The following XIRP2 variants were observed in gnomAD, a reference collection of about 807,000 sequenced individuals.
XIRP2 encodes the protein xin actin-binding repeat-containing protein 2.
A neutral mutation model predicts 277.0 loss-of-function variants in XIRP2; 236 were observed. The observed-to-expected ratio is 0.85, with a 90% CI of 0.77 to 0.95. The LOEUF is 0.95. Among genes scored for constraint, XIRP2 ranks in the 40% least tolerant of loss-of-function variants. The pLI is 0.00. For missense variants in XIRP2, 4,640 were observed against 4,157.5 expected (o/e 1.12, Z -3.19); for synonymous variants, 1,490 against 1,416.5 (o/e 1.05, Z -1.17).
chr2:166,937,962 T>G (rs1299293645), intron 2 of XIRP2, among the ~76,000 whole-genome samples: 1 of 152,218 alleles, frequency 6.6e-6, no homozygotes, highest in Non-Finnish European at 1.5e-5. Context: ...CATTTTTTAT[T>G]GGGTCTATTT....
At chr2:167,163,793 G>A (rs964789216) in intron 3 of XIRP2, among the ~76,000 whole-genome samples, 1 of 152,164 alleles carries the variant, frequency 6.6e-6, no homozygotes, top group Admixed American at 6.5e-5. Context: ...GGTTTTACAT[G>A]TAAATCTATG....
chr2:167,114,632 TC>T (rs1294904178), intron 2 of XIRP2, among the ~76,000 whole-genome samples: 1 of 151,418 alleles, frequency 6.6e-6, no homozygotes, highest in Non-Finnish European at 1.5e-5. Context: ...AGTGTGATGT[TC>T]CCCTTCCCGT....
chr2:167,205,309 T>A (rs888633605), intron 3 of XIRP2, among the ~76,000 whole-genome samples: 1 of 152,198 alleles, frequency 6.6e-6, no homozygotes, highest in African/African-American at 2.4e-5. Context: ...TTAGTGAGAA[T>A]GAATATAAAT....
intron 3 of XIRP2, among the ~76,000 whole-genome samples, chr2:167,151,790 G>A (rs2105332089): frequency 6.6e-6 from 1 of 152,192 alleles, no homozygotes; most frequent in Non-Finnish European, 1.5e-5. Context: ...ACCATAATGT[G>A]GGACTGAAGG....
At chr2:167,213,185 G>A (rs1047567053) in intron 4 of XIRP2, among the ~76,000 whole-genome samples, 4 of 152,170 alleles carry the variant, frequency 2.6e-5, no homozygotes, top group Non-Finnish European at 4.4e-5. Context: ...AAGAGAGGGA[G>A]AAGTAACACT....
In XIRP2 at chr2:167,247,434, T is replaced by TGA; in HGVS notation, c.6044_6045dup (p.Val2016ArgfsTer12). The TGA allele has an allele frequency of 6.2e-7, 1 of 1,613,616 alleles. No individual in the cohort carries two copies. Among genetic ancestry groups the TGA allele is most frequent in the Non-Finnish European group, 8.5e-7 (1 of 1,179,738 alleles). ...ATGGCAATTTAGTAGAAGAAAGAACTGAGGTTAATCTTCCAAAAGCCCCCA... is the reference window on the plus strand; with the variant it reads ...ATGGCAATTTAGTAGAAGAAAGAACTGAGAGGTTAATCTTCCAAAAGCCCCCA... On this transcript the variant is annotated frameshift_variant, in exon 9 of 11. Transcript: ENST00000409195. LOFTEE classifies it high-confidence loss of function.
chr2:167,233,608 G>A (rs1032394201), intron 5 of XIRP2, among the ~76,000 whole-genome samples: 4 of 151,660 alleles, frequency 2.6e-5, no homozygotes, highest in Non-Finnish European at 5.9e-5. Flanking sequence ...GGTGAGGAAG[G>A]GATGGTAATC....
At chr2:167,141,979 C>T (rs1691733718) in intron 3 of XIRP2, among the ~76,000 whole-genome samples, 1 of 152,158 alleles carries the variant, frequency 6.6e-6, no homozygotes, top group Non-Finnish European at 1.5e-5. Flanking sequence ...GTTGGAGCAA[C>T]TATATTGCTG....
At chr2:167,240,091 T>C in intron 6 of XIRP2, 126 bp downstream of exon 6, 1 of 844,176 alleles carries the variant, frequency 1.2e-6, no homozygotes, top group Non-Finnish European at 1.7e-6. Flanking sequence ...CAGTGTTTCT[T>C]TCTCCACTTT....
At chr2:166,954,966 C>G (rs1686125151) in intron 2 of XIRP2, among the ~76,000 whole-genome samples, 1 of 151,712 alleles carries the variant, frequency 6.6e-6, no homozygotes, top group African/African-American at 2.4e-5. Flanking sequence ...GCATGCTGGG[C>G]TTAATACCTA....
intron 3 of XIRP2, among the ~76,000 whole-genome samples, chr2:167,164,292 A>G (rs1414756934): frequency 1.3e-5 from 2 of 151,768 alleles, no homozygotes; most frequent in Non-Finnish European, 2.9e-5. Flanking sequence ...TACAAAAAAA[A>G]AAAATTAGCC....
chr2:167,217,371 T>C (rs971241329), intron 4 of XIRP2, among the ~76,000 whole-genome samples: 11 of 152,162 alleles, frequency 7.2e-5, no homozygotes, highest in Admixed American at 3.9e-4. Context: ...AGCCCCCTGA[T>C]TCTGACATGC....
chr2:166,910,165 T>G (rs1245644080), intron 2 of XIRP2, among the ~76,000 whole-genome samples: 1 of 152,232 alleles, frequency 6.6e-6, no homozygotes, highest in Non-Finnish European at 1.5e-5. Flanking sequence ...TTCTATTGAT[T>G]GGAATAGTTT....
rs559361394 is a variant in XIRP2 at position 167,214,297 on chromosome 2, G to GAGGAAGGA, written c.723+3425_723+3432dup. Among the ~76,000 whole-genome samples the GAGGAAGGA allele has an allele frequency of 3.5e-3, 304 of 87,206 alleles. 13 individuals are homozygous for GAGGAAGGA. The highest frequency in any genetic ancestry group is 0.011 in the African/African-American group (221 of 19,530). 57.2% of individuals were successfully genotyped at this position (87,206 alleles called of 152,430 possible). A position where few individuals can be genotyped will look rare whatever the true frequency, so the allele number is the denominator to read the frequency against. On this transcript the variant is annotated intron_variant, in intron 4 of 10. Coordinates refer to ENST00000409195, the MANE Select transcript of XIRP2 (RefSeq NM_152381.6). ...AAAGAGAGGGAGGGAGGGAGGGAGG[G>GAGGAAGGA]AGGAAGGAAGGAAGGAAGGAAGGAA...
intron 3 of XIRP2, among the ~76,000 whole-genome samples, chr2:167,159,908 A>T (rs1403889253): frequency 6.6e-6 from 1 of 152,194 alleles, no homozygotes; most frequent in Non-Finnish European, 1.5e-5. Context: ...CAGGGAAGAA[A>T]ATCAGTCATA....
At position 166,975,930 on chromosome 2, in the gene XIRP2, C is replaced by CAAAAAAAAAAAA. The variant is rs550529718; in HGVS notation, c.408+72060_408+72071dup. 9.8e-4 allele frequency among the ~76,000 whole-genome samples: 45 copies of CAAAAAAAAAAAA among 45,712 alleles called. 2 individuals are homozygous for CAAAAAAAAAAAA. Among genetic ancestry groups the CAAAAAAAAAAAA allele is most frequent in the East Asian group, 2.3e-3 (4 of 1,708 alleles). The allele number at this position is 45,712 out of a possible 152,430, so 30.0% of individuals were successfully genotyped here. On this transcript the variant is annotated intron_variant, in intron 2 of 10. Transcript: ENST00000409195. Reference sequence around the variant, plus strand: ...TGGGTGACAGAGCGAGACTCCGTCTCAAAAAAAAAAAAAAAAAAAAAAAAA... The same window carrying CAAAAAAAAAAAA: ...TGGGTGACAGAGCGAGACTCCGTCTCAAAAAAAAAAAAAAAAAAAAAAAAAAAAAAAAAAAAA...
At chr2:167,012,338 A>G (rs1687704061) in intron 2 of XIRP2, among the ~76,000 whole-genome samples, 1 of 151,818 alleles carries the variant, frequency 6.6e-6, no homozygotes, top group African/African-American at 2.4e-5. Flanking sequence ...TCAAATCAAC[A>G]GAAGTTTAAT....
intron 3 of XIRP2, among the ~76,000 whole-genome samples, chr2:167,200,096 G>A (rs1002200293): frequency 1.1e-4 from 17 of 152,320 alleles, no homozygotes; most frequent in African/African-American, 4.1e-4. Context: ...GAAAGGAGAT[G>A]CGTATTCAAA....
chr2:167,237,547 C>T (rs760937830), intron 5 of XIRP2, among the ~76,000 whole-genome samples: 14 of 152,076 alleles, frequency 9.2e-5, no homozygotes, highest in Non-Finnish European at 1.9e-4. Flanking sequence ...AAAATATGAA[C>T]ACAGTGTTAC....
Sources: gnomAD v4.1 joint callset for allele counts (sites outside exome capture counted in the v4.1 genomes callset) on GRCh38, gnomAD v4.1.1 for gene constraint, MANE v1.5 for transcripts, NCBI Gene and HGNC (gene_info 2026-07-23, HGNC 2026-07-21) for gene names.